GYPC: variants seen among roughly 807,000 people sequenced by gnomAD.
GYPC encodes the protein glycophorin-C.
Under a neutral mutation model 12.6 loss-of-function variants are expected in GYPC, and 14 were observed. The observed-to-expected ratio is 1.11, with a 90% CI of 0.74 to 1.74. GYPC has a LOEUF of 1.74. Among genes scored for constraint, GYPC ranks in the 40% most tolerant of loss-of-function variants. GYPC has a pLI of 0.00. For synonymous variants in GYPC, 78 were observed against 62.1 expected (o/e 1.26, Z -1.20); for missense variants, 225 against 172.1 (o/e 1.31, Z -1.72).
intron 1 of GYPC, among the ~76,000 whole-genome samples, chr2:126,689,771 C>A (rs1200745992): frequency 6.6e-6 from 1 of 152,222 alleles, no homozygotes; most frequent in Non-Finnish European, 1.5e-5. Flanking sequence ...CCAATTTGGA[C>A]TTCCCAGCCA....
chr2:126,664,975 C>G (rs1009348739), intron 1 of GYPC, among the ~76,000 whole-genome samples: 5 of 151,692 alleles, frequency 3.3e-5, no homozygotes, highest in African/African-American at 9.8e-5. Flanking sequence ...CTCTCTCTCT[C>G]TCTGTGTCTC....
Position 126,656,307 on chromosome 2 carries a change from G to C in GYPC, c.44G>C (p.Ser15Thr), listed in dbSNP as rs768999843. ...RSPNSTAWPL[S>T]LEPDPGMASA... The stretch of plus-strand genomic sequence containing the variant: ...CCCAACAGCACGGCGTGGCCTCTCA[G>C]CCTCGGTGAGTACCCGCCGTGGGGA... The change falls in exon 1 of 4, where the codon AGC becomes ACC. Residue 15 changes from serine to threonine, a missense_variant. Transcript: ENST00000259254. 6.3e-7 allele frequency: 1 copy of C among 1,586,718 alleles called. No individual in the cohort carries two copies. Among genetic ancestry groups the C allele is most frequent in the African/African-American group, 1.3e-5 (1 of 74,184 alleles).
chr2:126,661,465 T>C (rs943997106), intron 1 of GYPC, among the ~76,000 whole-genome samples: 3 of 152,000 alleles, frequency 2.0e-5, no homozygotes, highest in African/African-American at 7.2e-5. Context: ...CTTTTTTTTT[T>C]TTTTGATACG....
intron 1 of GYPC, among the ~76,000 whole-genome samples, chr2:126,688,565 A>G (rs1558890800): frequency 6.6e-6 from 1 of 152,162 alleles, no homozygotes; most frequent in Admixed American, 6.5e-5. Flanking sequence ...TGAATGCTGG[A>G]TCCTCTACCC....
rs768335450 is a variant in GYPC at position 126,690,284 on chromosome 2, A to G, written c.79A>G (p.Thr27Ala). 6.2e-7 allele frequency: 1 copy of G among 1,613,018 alleles called. No homozygotes were observed. Among genetic ancestry groups the G allele is most frequent in the Non-Finnish European group, 8.5e-7 (1 of 1,178,980 alleles). Reference protein sequence around the residue: ...EPDPGMASASTTMHTTTIAEP... With the variant: ...EPDPGMASASATMHTTTIAEP... The stretch of plus-strand genomic sequence containing the variant: ...TGATCCGGGGATGGCCTCTGCCTCC[A>G]CCACAATGCATACTACCACCATTGC... The change falls in exon 2 of 4, where the codon ACC becomes GCC. Residue 27 changes from threonine (T) to alanine (A), a missense_variant. Transcript: ENST00000259254.
intron 1 of GYPC, among the ~76,000 whole-genome samples, chr2:126,680,900 G>C (rs7563006): frequency 6.6e-6 from 1 of 152,054 alleles, no homozygotes. Flanking sequence ...GCCTGCTCAC[G>C]GGAGACACCG....
At chr2:126,691,821 G>A (rs963961223) in intron 2 of GYPC, among the ~76,000 whole-genome samples, 1 of 152,136 alleles carries the variant, frequency 6.6e-6, no homozygotes, top group Non-Finnish European at 1.5e-5. Flanking sequence ...TGATTGTGTT[G>A]GACAAACTGT....
intron 1 of GYPC, among the ~76,000 whole-genome samples, chr2:126,664,503 C>T (rs1268728557): frequency 6.6e-6 from 1 of 152,192 alleles, no homozygotes; most frequent in African/African-American, 2.4e-5. Context: ...TGCTCAGAGA[C>T]CACAGTGCTT....
intron 2 of GYPC, 127 bp from the exon 3 acceptor site, chr2:126,693,737 C>T (rs1457702046): frequency 1.3e-6 from 1 of 765,962 alleles, no homozygotes; most frequent in Non-Finnish European, 2.4e-6. Context: ...CGCCGCACTG[C>T]TCCTTTCCAC....
chr2:126,693,969 C>T (rs1573581444), intron 3 of GYPC, 22 bp downstream of exon 3: 2 of 1,511,022 alleles, frequency 1.3e-6, no homozygotes, highest in Non-Finnish European at 1.8e-6. Flanking sequence ...TCACAGAGCC[C>T]TTCAAGCAGC....
At position 126,675,684 on chromosome 2, in the gene GYPC, C is replaced by T. The variant is rs181486463; in HGVS notation, c.50-14571C>T. ...CCTGTCGTGGCTGTTCGTCACTACC[C>T]GAGAAAACGCAGACTTCTTAGTCTG... On this transcript the variant is annotated intron_variant, in intron 1 of 3. Coordinates refer to ENST00000259254, the MANE Select transcript of GYPC (RefSeq NM_002101.5). The T allele has an allele frequency of 9.8e-5, 97 of 985,094 alleles. 1 individual carries two copies. In the Admixed American group the frequency reaches 1.7e-3, roughly 17 times the overall value. 61.0% of individuals were successfully genotyped at this position (985,094 alleles called of 1,614,324 possible).
At chr2:126,675,785 G>T (rs1032032246) in intron 1 of GYPC, 1 of 476,352 alleles carries the variant, frequency 2.1e-6, no homozygotes, top group African/African-American at 2.1e-5. Context: ...ATTCACCGTA[G>T]TAGTGATGGT....
chr2:126,670,194 G>A (rs1682807146), intron 1 of GYPC, among the ~76,000 whole-genome samples: 2 of 152,360 alleles, frequency 1.3e-5, no homozygotes, highest in Admixed American at 1.3e-4. Flanking sequence ...GGCTTGTGCT[G>A]CAGCACGCCA....
intron 3 of GYPC, among the ~76,000 whole-genome samples, chr2:126,695,320 G>C (rs1319806145): frequency 6.6e-6 from 1 of 152,170 alleles, no homozygotes; most frequent in Non-Finnish European, 1.5e-5. Context: ...AGAGTGCTTA[G>C]AGTGGTTAGT....
At chr2:126,695,715 G>A (rs747107845) in intron 3 of GYPC, among the ~76,000 whole-genome samples, 1 of 152,238 alleles carries the variant, frequency 6.6e-6, no homozygotes, top group Non-Finnish European at 1.5e-5. Flanking sequence ...AGGTAGGCTA[G>A]GCCAAGCTTC....
At chr2:126,662,310 C>T (rs531791278) in intron 1 of GYPC, among the ~76,000 whole-genome samples, 10 of 152,322 alleles carry the variant, frequency 6.6e-5, no homozygotes, top group South Asian at 4.1e-4. Flanking sequence ...AATCCACTTT[C>T]GCTTGAGAAA....
intron 1 of GYPC, among the ~76,000 whole-genome samples, chr2:126,666,830 C>T (rs977731371): frequency 6.6e-6 from 1 of 151,976 alleles, no homozygotes; most frequent in Non-Finnish European, 1.5e-5. Context: ...TAGCAGCAGA[C>T]AGGTATCAGC....
At chr2:126,689,981 C>T (rs1193306198) in intron 1 of GYPC, among the ~76,000 whole-genome samples, 3 of 152,216 alleles carry the variant, frequency 2.0e-5, no homozygotes. Context: ...GCACCACTCT[C>T]AGTGGAGGCA....
intron 1 of GYPC, chr2:126,686,035 C>A (rs891077058): frequency 1.9e-5 from 19 of 985,194 alleles, no homozygotes; most frequent in Non-Finnish European, 2.2e-5. Flanking sequence ...AGTGGGGAAC[C>A]CCTTCAACAA....
Sources: allele counts gnomAD v4.1 joint callset (sites outside exome capture counted in the v4.1 genomes callset), GRCh38; gene constraint gnomAD v4.1.1; transcripts MANE v1.5; gene names NCBI Gene and HGNC (gene_info 2026-07-23, HGNC 2026-07-21).